NFIB: variants seen among roughly 807,000 people sequenced by gnomAD.
NFIB encodes nuclear factor 1 B-type.
NFIB carries 11 observed loss-of-function variants against 61.5 expected under a neutral mutation model. That is an observed-to-expected ratio of 0.18 (90% confidence interval 0.11 to 0.30). The LOEUF (loss-of-function observed/expected upper bound fraction) is 0.30, where lower values mean the gene tolerates loss of function less well. Among genes scored for constraint, NFIB ranks in the 10% least tolerant of loss-of-function variants. NFIB has a pLI of 1.00. For missense variants in NFIB, 471 were observed against 608.9 expected, an observed-to-expected ratio of 0.77 and a Z score of 2.38; for synonymous variants, 260 against 216.5, an observed-to-expected ratio of 1.20 and a Z score of -1.76.
At chr9:14,267,318 G>A (rs1336565251) in intron 2 of NFIB, among the ~76,000 whole-genome samples, 1 of 152,156 alleles carries the variant, frequency 6.6e-6, no homozygotes, top group African/African-American at 2.4e-5. Context: ...TTCCACAAAA[G>A]TAGTCTATAG....
the NFIB span, among the ~76,000 whole-genome samples, chr9:14,445,318 T>A: frequency 1.3e-5 from 2 of 152,100 alleles, no homozygotes; most frequent in Admixed American, 6.5e-5. Context: ...ATGGCTAGAA[T>A]CTACAGTACA....
At chr9:14,175,967 T>C (rs1462600908) in intron 3 of NFIB, among the ~76,000 whole-genome samples, 2 of 152,180 alleles carry the variant, frequency 1.3e-5, no homozygotes, top group Admixed American at 6.5e-5. Context: ...ATTTTACCCA[T>C]TCTAGGATTA....
At chr9:14,275,876 C>T (rs575834043) in intron 2 of NFIB, among the ~76,000 whole-genome samples, 1 of 150,980 alleles carries the variant, frequency 6.6e-6, no homozygotes, top group East Asian at 2.0e-4. Context: ...CCTATTATGC[C>T]AAAAGACTAA....
rs2047664307 is a variant in NFIB at position 14,189,045 on chromosome 9, T to G, written c.563-9265A>C. On this transcript the variant is annotated intron_variant, in intron 2 of 10. Coordinates refer to ENST00000380953, the MANE Select transcript of NFIB (RefSeq NM_001190737.2). ...TAAAAGGAAAGCATAGAAAAATAAG[T>G]GCTGTTTTACCTCCAAAGTCCTGAA... Among the ~76,000 whole-genome samples, 4 of 152,322 alleles carry G rather than the reference T, an allele frequency of 2.6e-5. No homozygotes were observed. The South Asian group carries it at 8.3e-4, about 32-fold the overall frequency.
the NFIB span, among the ~76,000 whole-genome samples, chr9:14,446,052 T>C: frequency 2.0e-5 from 3 of 152,332 alleles, no homozygotes; most frequent in Non-Finnish European, 4.4e-5. Context: ...GTTGGAGATA[T>C]AATCGCACTC....
At chr9:14,146,047 T>C (rs1038000304) in intron 6 of NFIB, among the ~76,000 whole-genome samples, 1 of 152,074 alleles carries the variant, frequency 6.6e-6, no homozygotes, top group Non-Finnish European at 1.5e-5. Context: ...CATGGATATA[T>C]CTAATGAAAT....
chr9:14,272,080 C>T (rs778838655), intron 2 of NFIB, among the ~76,000 whole-genome samples: 1 of 152,146 alleles, frequency 6.6e-6, no homozygotes, highest in Admixed American at 6.5e-5. Context: ...AATAGTCAGA[C>T]ATGTAACAGT....
the NFIB span, among the ~76,000 whole-genome samples, chr9:14,530,795 G>T: frequency 6.6e-6 from 1 of 152,022 alleles, no homozygotes; most frequent in Non-Finnish European, 1.5e-5. Context: ...AGTGCCCATT[G>T]TCTTCCACTG....
In NFIB at chr9:14,269,543, T is replaced by C. The variant is rs189377601; in HGVS notation, c.562+37446A>G. On this transcript the variant is annotated intron_variant, in intron 2 of 10. Coordinates refer to ENST00000380953, the MANE Select transcript of NFIB (RefSeq NM_001190737.2). ...TGTCAGGCTATTGAGCGATAAAGCATGGTATTGAGACATATGTGTTCTTAC... is the reference window on the plus strand; with the variant it reads ...TGTCAGGCTATTGAGCGATAAAGCACGGTATTGAGACATATGTGTTCTTAC... Among the ~76,000 whole-genome samples, 356 of 152,290 alleles carry C rather than the reference T, an allele frequency of 2.3e-3. 1 individual carries two copies. The highest frequency in any genetic ancestry group is 7.1e-3 in the African/African-American group (297 of 41,564).
At chr9:14,515,654 G>GCC in the NFIB span, among the ~76,000 whole-genome samples, 1 of 152,142 alleles carries the variant, frequency 6.6e-6, no homozygotes, top group East Asian at 1.9e-4. Context: ...GCCTCTGAAC[G>GCC]TCTGAGGCCC....
At chr9:14,173,947 G>C (rs888537911) in intron 3 of NFIB, among the ~76,000 whole-genome samples, 4 of 152,132 alleles carry the variant, frequency 2.6e-5, no homozygotes, top group Non-Finnish European at 4.4e-5. Flanking sequence ...CCTTTCATGA[G>C]TGGGCTGTAT....
At chr9:14,107,636 T>C (rs2036763139) in intron 10 of NFIB, among the ~76,000 whole-genome samples, 1 of 152,238 alleles carries the variant, frequency 6.6e-6, no homozygotes, top group East Asian at 1.9e-4. Context: ...TAAGGACTTG[T>C]CCAAGGTTAG....
chr9:14,302,669 T>C (rs945658834), intron 2 of NFIB, among the ~76,000 whole-genome samples: 5 of 152,168 alleles, frequency 3.3e-5, no homozygotes, highest in African/African-American at 1.2e-4. Context: ...TCTTTAAATG[T>C]CTTGGTGTGT....
At chr9:14,439,836 C>T in the NFIB span, among the ~76,000 whole-genome samples, 4 of 152,222 alleles carry the variant, frequency 2.6e-5, no homozygotes, top group South Asian at 6.2e-4. Flanking sequence ...GGGTTGAAAA[C>T]ACCCCCGAGG....
chr9:14,092,510 G>T (rs2034086673), intron 10 of NFIB, among the ~76,000 whole-genome samples: 1 of 151,900 alleles, frequency 6.6e-6, no homozygotes, highest in African/African-American at 2.4e-5. Context: ...GATTTCCCTG[G>T]CCATTTCACT....
rs958753936 is a variant in NFIB, at chr9:14,341,804, G to A, written c.109-34284C>T. ...TGGTTCTGCTTCTGGGGAAGACAAAGAAAGAGAGGGAATCTCAGCAACAGT... is the reference window on the plus strand; with the variant it reads ...TGGTTCTGCTTCTGGGGAAGACAAAAAAAGAGAGGGAATCTCAGCAACAGT... On this transcript the variant is annotated intron_variant, in intron 1 of 8. Coordinates refer to the NFIB transcript ENST00000380934. Among the ~76,000 whole-genome samples the A allele has an allele frequency of 2.0e-5, 3 of 152,128 alleles. No homozygotes were observed. The East Asian group carries it at 5.8e-4, about 29-fold the overall frequency.
chr9:14,099,821 T>G (rs188206960), intron 10 of NFIB, among the ~76,000 whole-genome samples: 158 of 152,232 alleles, frequency 1.0e-3, no homozygotes, highest in African/African-American at 3.6e-3. Flanking sequence ...GCCTGTAATC[T>G]CAGTACTTTG....
chr9:14,166,153 C>A (rs551870964), intron 3 of NFIB, among the ~76,000 whole-genome samples: 61 of 152,250 alleles, frequency 4.0e-4, no homozygotes, highest in African/African-American at 1.1e-3. Context: ...GGTCATAATT[C>A]TCACCTTAAT....
At chr9:14,167,324 C>G (rs934763904) in intron 3 of NFIB, among the ~76,000 whole-genome samples, 33 of 152,138 alleles carry the variant, frequency 2.2e-4, no homozygotes, top group African/African-American at 8.0e-4. Flanking sequence ...AGGTGGATCA[C>G]TTGAGTCCAG....
Sources: allele counts gnomAD v4.1 joint callset (sites outside exome capture counted in the v4.1 genomes callset), GRCh38; gene constraint gnomAD v4.1.1; transcripts MANE v1.5; gene names NCBI Gene and HGNC (gene_info 2026-07-23, HGNC 2026-07-21).